The following SNX31 variants were observed in gnomAD, a reference collection of about 807,000 sequenced individuals.
The protein encoded by SNX31 is sorting nexin-31.
SNX31 carries 58 observed loss-of-function variants against 65.4 expected under a neutral mutation model. The ratio of observed to expected loss-of-function variants is 0.89; its 90% CI spans 0.72 to 1.10. SNX31 has a LOEUF of 1.10. Among genes scored for constraint, SNX31 ranks in the 50% least tolerant of loss-of-function variants. The probability of loss-of-function intolerance (pLI) is 0.00; values close to 1 mark genes in which losing one functional copy is unlikely to be tolerated. For missense variants in SNX31, 523 were observed against 529.7 expected (o/e 0.99, Z 0.12); for synonymous variants, 181 against 190.1 (o/e 0.95, Z 0.39).
rs1451946839 is a variant in SNX31 at position 100,604,960 on chromosome 8, A to T, written c.681+3534T>A. Among the ~76,000 whole-genome samples the T allele has an allele frequency of 1.3e-5, 2 of 151,834 alleles. No homozygotes were observed. The highest frequency in any genetic ancestry group is 2.9e-5 in the Non-Finnish European group (2 of 67,998). ...GTCACCCAAGCAGGAGTACAGTGAC[A>T]TATTCTTGGCTCCCTGCAACCTCTG... On this transcript the variant is annotated intron_variant, in intron 8 of 13. Coordinates refer to ENST00000311812, the MANE Select transcript of SNX31 (RefSeq NM_152628.4). The surrounding 1 kb of genome is among the most constrained non-coding windows in gnomAD (Gnocchi z 4.3).
chr8:100,623,203 T>C (rs1251178129), intron 4 of SNX31, among the ~76,000 whole-genome samples: 1 of 152,176 alleles, frequency 6.6e-6, no homozygotes, highest in African/African-American at 2.4e-5. Flanking sequence ...ATGTCTTACA[T>C]GGCTGGAGCA....
Position 100,589,792 on chromosome 8 carries a change from A to G in SNX31, c.979-813T>C, listed in dbSNP as rs563459790. Among the ~76,000 whole-genome samples, 6 of 152,364 alleles carry G rather than the reference A, an allele frequency of 3.9e-5. No homozygotes were observed. The South Asian group carries it at 1.2e-3, about 32-fold the overall frequency. On this transcript the variant is annotated intron_variant, in intron 10 of 13. Transcript: ENST00000311812. ...CTGTGATTTTTGCTTTGCAGCATCC[A>G]TCATTCTTTTTCCTAGTAATGGAGT... is the stretch of plus-strand genomic sequence containing the variant.
rs192618704 is a variant in SNX31, at chr8:100,660,866, C to T, written c.-58+2276G>A. On this transcript the variant is annotated intron_variant, in intron 1 of 5. Transcript: ENST00000520352. The surrounding 1 kb of genome is among the most constrained non-coding windows in gnomAD (Gnocchi z 4.1). ...TCAGTATCGGGTTCTGCTGGCAGAC[C>T]AAGCCCTGGCAATCACACATTCGTG... is the stretch of plus-strand genomic sequence containing the variant. Among the ~76,000 whole-genome samples, 70 of 152,324 alleles carry T rather than the reference C, an allele frequency of 4.6e-4. 1 individual carries two copies. The highest frequency in any genetic ancestry group is 1.7e-3 in the African/African-American group (69 of 41,572).
rs2130851970 is a variant in SNX31 at position 100,589,088 on chromosome 8, G to A, written c.979-109C>T. 8.2e-6 allele frequency: 6 copies of A among 729,126 alleles called. No individual in the cohort carries two copies. The South Asian group carries it at 8.6e-5, about 10-fold the overall frequency. The allele number at this position is 729,126 out of a possible 1,614,324, so 45.2% of individuals were successfully genotyped here. ...AGCTGAGGCGGGCAGATCGCCTGAG[G>A]TCAGGAGTTCGAGACCATCCTGGCC... On this transcript the variant is annotated intron_variant, in intron 10 of 13. Transcript: ENST00000311812.
At chr8:100,638,111 C>A (rs530142433) in intron 2 of SNX31, among the ~76,000 whole-genome samples, 48 of 152,262 alleles carry the variant, frequency 3.2e-4, no homozygotes, top group African/African-American at 1.2e-3. Context: ...TCAAGGCTAG[C>A]CACTGCCCTC....
chr8:100,659,249 C>G (rs139343838), intron 1 of SNX31, among the ~76,000 whole-genome samples: 5,638 of 150,732 alleles, frequency 0.037, 170 homozygotes, highest in Non-Finnish European at 0.062. Context: ...GGGAGGCTGA[C>G]GCAGGAGACT....
At chr8:100,595,273 T>C (rs140783707) in intron 10 of SNX31, among the ~76,000 whole-genome samples, 15 of 152,012 alleles carry the variant, frequency 9.9e-5, no homozygotes, top group African/African-American at 2.7e-4. Flanking sequence ...ACAGGGCATG[T>C]TGAGACCAAG....
chr8:100,646,022 A>G (rs1819609321), intron 2 of SNX31, among the ~76,000 whole-genome samples: 1 of 152,092 alleles, frequency 6.6e-6, no homozygotes, highest in African/African-American at 2.4e-5. Flanking sequence ...CAGAGAGTAG[A>G]TGTTGGAGGC....
intron 1 of SNX31, chr8:100,657,596 C>T (rs1820072515): frequency 2.2e-6 from 1 of 446,738 alleles, no homozygotes; most frequent in African/African-American, 2.0e-5. Flanking sequence ...CTGTGGAGTC[C>T]AGACTGTGCT....
intron 10 of SNX31, among the ~76,000 whole-genome samples, chr8:100,595,979 A>G (rs551616012): frequency 1.3e-5 from 2 of 152,338 alleles, no homozygotes; most frequent in Non-Finnish European, 2.9e-5. Flanking sequence ...GGTTGACAGT[A>G]TCGAATGCCA....
chr8:100,643,027 C>T (rs536451841), intron 2 of SNX31, among the ~76,000 whole-genome samples: 1 of 152,164 alleles, frequency 6.6e-6, no homozygotes, highest in African/African-American at 2.4e-5. Context: ...CCCCTCTCTA[C>T]TAAAAATACA....
At chr8:100,647,786 A>G (rs112691295) in intron 2 of SNX31, among the ~76,000 whole-genome samples, 4,465 of 152,208 alleles carry the variant, frequency 0.029, 212 homozygotes, top group African/African-American at 0.096. Context: ...GCTGCAGGAA[A>G]ACAGAGGAGG....
chr8:100,656,694 A>G lies in SNX31; in HGVS notation c.-58+6448T>C, dbSNP rs150495587. On this transcript the variant is annotated intron_variant, in intron 1 of 5. Transcript: ENST00000520352. ...TTTAAGAGCAAAGCACAAACTGTAT[A>G]ATTAGCTAGAAATGGCTCCTGTCCT... 3.4e-3 allele frequency among the ~76,000 whole-genome samples: 509 copies of G among 150,792 alleles called. 3 individuals carry two copies. The highest frequency in any genetic ancestry group is 0.01 in the African/African-American group (425 of 40,944).
intron 1 of SNX31, among the ~76,000 whole-genome samples, chr8:100,661,849 G>A (rs1421957961): frequency 6.6e-6 from 1 of 152,034 alleles, no homozygotes; most frequent in Non-Finnish European, 1.5e-5. Context: ...TTTTGAGACA[G>A]AATCTTGCTC....
In SNX31 at chr8:100,625,602, A is replaced by T. The variant is rs113506934; in HGVS notation, c.321+4725T>A. Among the ~76,000 whole-genome samples, 2,466 of 152,294 alleles carry T rather than the reference A, an allele frequency of 0.016. 63 individuals carry two copies. The highest frequency in any genetic ancestry group is 0.056 in the African/African-American group (2,331 of 41,560). On this transcript the variant is annotated intron_variant, in intron 4 of 13. Transcript: ENST00000311812. This position sits in a 1 kb window ranked among gnomAD's most constrained non-coding sequence, Gnocchi z 4.2. Reference sequence around the variant, plus strand: ...TTTAGAAGCAAACAGAAAACAATGAAAAGGAAAGCATCCTTGAAGAAACTT... The same window carrying T: ...TTTAGAAGCAAACAGAAAACAATGATAAGGAAAGCATCCTTGAAGAAACTT...
At chr8:100,574,990 G>T (rs953171409) in intron 13 of SNX31, among the ~76,000 whole-genome samples, 55 of 152,096 alleles carry the variant, frequency 3.6e-4, no homozygotes, top group African/African-American at 1.3e-3. Flanking sequence ...TAGGGTTACC[G>T]CAAATCTTTA....
chr8:100,641,220 C>CACCT lies in SNX31; in HGVS notation c.142-5213_142-5210dup, dbSNP rs147022484. On this transcript the variant is annotated intron_variant, in intron 2 of 13. Transcript: ENST00000311812. The stretch of plus-strand genomic sequence containing the variant: ...ATTCCCACCACTCTCCACTGTTGTT[C>CACCT]ACCTGATCCTCATCTCTCATTTAAA... Among the ~76,000 whole-genome samples, 1,332 of 152,110 alleles carry CACCT rather than the reference C, an allele frequency of 8.8e-3. 23 individuals are homozygous for CACCT. Among genetic ancestry groups the CACCT allele is most frequent in the African/African-American group, 0.03 (1,258 of 41,472 alleles).
chr8:100,647,831 C>T (rs1819742857), intron 2 of SNX31, among the ~76,000 whole-genome samples: 1 of 152,180 alleles, frequency 6.6e-6, no homozygotes, highest in African/African-American at 2.4e-5. Context: ...CCTGCCAATG[C>T]CTAAGACACT....
In SNX31 at chr8:100,629,086, C is replaced by T. The variant is rs117956917; in HGVS notation, c.321+1241G>A. Among the ~76,000 whole-genome samples, 1,780 of 152,132 alleles carry T rather than the reference C, an allele frequency of 0.012. 17 individuals are homozygous for T. The highest frequency in any genetic ancestry group is 0.041 in the Middle Eastern group (12 of 294). ...GGTGTTCACACAATGACAAAATCGC[C>T]TAATGATGCATTTATCAGAACGAAT... On this transcript the variant is annotated intron_variant, in intron 4 of 13. Transcript: ENST00000311812. This position sits in a 1 kb window ranked among gnomAD's most constrained non-coding sequence, Gnocchi z 5.1.
Sources: gnomAD v4.1 joint callset for allele counts (sites outside exome capture counted in the v4.1 genomes callset) on GRCh38, gnomAD v4.1.1 for gene constraint, Gnocchi (gnomAD v3.1) non-coding constraint, MANE v1.5 for transcripts, NCBI Gene and HGNC (gene_info 2026-07-23, HGNC 2026-07-21) for gene names.